LYZL1: variants seen among roughly 807,000 people sequenced by gnomAD.
LYZL1 encodes lysozyme-like protein 1.
In LYZL1, 16 loss-of-function variants were observed where a neutral mutation model predicts 17.9. The ratio of observed to expected loss-of-function variants is 0.90; its 90% CI spans 0.61 to 1.36. The LOEUF (loss-of-function observed/expected upper bound fraction) is 1.36. Ranked by LOEUF, LYZL1 falls within the 40% of genes most tolerant of loss-of-function variation. The pLI is 0.00. For synonymous variants in LYZL1, 58 were observed against 71.8 expected (o/e 0.81, Z 0.97); for missense variants, 149 against 188.4 (o/e 0.79, Z 1.22).
intron 3 of LYZL1, among the ~76,000 whole-genome samples, chr10:29,308,676 A>G (rs1326869269): frequency 3.3e-5 from 5 of 152,266 alleles, no homozygotes; most frequent in Non-Finnish European, 5.9e-5. Context: ...AGAAAATGTA[A>G]TAAGTGGCCA....
At chr10:29,312,462 A>G (rs1835685143), downstream of LYZL1, among the ~76,000 whole-genome samples, 1 of 152,284 alleles carries the variant, frequency 6.6e-6, no homozygotes, top group East Asian at 1.9e-4. Context: ...TCTTCTTCCA[A>G]TATGGCCCAG....
chr10:29,293,105 T>C (rs1319878898), intron 3 of LYZL1, among the ~76,000 whole-genome samples: 1 of 145,906 alleles, frequency 6.9e-6, no homozygotes, highest in African/African-American at 2.6e-5. Context: ...TTTCTTTTCT[T>C]TCTTTTTTTT....
At position 29,292,564 on chromosome 10, in the gene LYZL1, A is replaced by T. The variant is rs3818551; in HGVS notation, c.185A>T (p.Gln62Leu). The T allele has an allele frequency of 6.2e-7, 1 of 1,614,110 alleles. No individual in the cohort carries two copies. Among genetic ancestry groups the T allele is most frequent in the Non-Finnish European group, 8.5e-7 (1 of 1,180,014 alleles). Reference sequence around the variant, plus strand: ...GAGAGCGGCTACAACACCACAGCCCAGACGGTCCTGGATGACGGCAGCATC... The same window carrying T: ...GAGAGCGGCTACAACACCACAGCCCTGACGGTCCTGGATGACGGCAGCATC... ...YYESGYNTTA[Q>L]TVLDDGSIDY... is the part of the protein sequence containing the mutation. Residue 62 changes from glutamine to leucine, a missense_variant, in exon 3 of 5, where the codon CAG (glutamine) becomes CTG (leucine). By Grantham distance (113) the Gln-to-Leu change is moderately radical. Coordinates refer to ENST00000649382, the MANE Select transcript of LYZL1 (RefSeq NM_032517.6).
intron 3 of LYZL1, among the ~76,000 whole-genome samples, chr10:29,304,373 T>C (rs1835562100): frequency 6.6e-6 from 1 of 152,188 alleles, no homozygotes; most frequent in African/African-American, 2.4e-5. Context: ...TTATTTTTCA[T>C]CACCCTGGTA....
downstream of LYZL1, among the ~76,000 whole-genome samples, chr10:29,313,407 G>A (rs11007522): frequency 0.095 from 14,487 of 152,128 alleles, 876 homozygotes; most frequent in African/African-American, 0.17. Flanking sequence ...TAAAACCAAC[G>A]GCACCTATTT....
chr10:29,315,234 G>A (rs1835715493), downstream of LYZL1, among the ~76,000 whole-genome samples: 1 of 152,178 alleles, frequency 6.6e-6, no homozygotes, highest in Admixed American at 6.5e-5. Context: ...TTTAGGCCGG[G>A]CGCAGTGGCT....
intron 3 of LYZL1, among the ~76,000 whole-genome samples, chr10:29,295,972 T>A (rs940418797): frequency 2.0e-5 from 3 of 152,042 alleles, no homozygotes; most frequent in Admixed American, 1.3e-4. Context: ...TCCTGCAGAG[T>A]GTCCAGAAAG....
At chr10:29,314,656 C>T (rs1477253629), downstream of LYZL1, among the ~76,000 whole-genome samples, 2 of 152,138 alleles carry the variant, frequency 1.3e-5, no homozygotes, top group African/African-American at 4.8e-5. Context: ...TTTTTTGTAC[C>T]ACTGGACACA....
chr10:29,316,706 C>CT (rs1835736494), intron 3 of LYZL1, among the ~76,000 whole-genome samples: 3 of 128,448 alleles, frequency 2.3e-5, no homozygotes, highest in Non-Finnish European at 1.6e-5. Flanking sequence ...TTTTCCTTTT[C>CT]CTTTTTTTTT....
chr10:29,294,607 G>A (rs1835421606), intron 3 of LYZL1, among the ~76,000 whole-genome samples: 2 of 152,198 alleles, frequency 1.3e-5, no homozygotes, highest in Admixed American at 6.5e-5. Context: ...CATTGCAGGA[G>A]CTCAATAAAT....
At chr10:29,316,113 G>A (rs1835726984), downstream of LYZL1, among the ~76,000 whole-genome samples, 1 of 152,204 alleles carries the variant, frequency 6.6e-6, no homozygotes, top group Non-Finnish European at 1.5e-5. Context: ...GCCAGGGAGA[G>A]CTTAGGATCT....
chr10:29,312,032 G>A (rs1835678912), downstream of LYZL1, among the ~76,000 whole-genome samples: 1 of 152,166 alleles, frequency 6.6e-6, no homozygotes, highest in Admixed American at 6.5e-5. Context: ...AGGCACAGTG[G>A]CTCACGCTTG....
intron 4 of LYZL1, among the ~76,000 whole-genome samples, chr10:29,317,616 A>ACTC (rs1835747448): frequency 6.6e-6 from 1 of 151,838 alleles, no homozygotes; most frequent in Non-Finnish European, 1.5e-5. Context: ...GCTAAGCCCA[A>ACTC]CTCCTCTGTG....
chr10:29,316,707 C>CTTTTT (rs201357117), intron 3 of LYZL1, among the ~76,000 whole-genome samples: 20 of 126,384 alleles, frequency 1.6e-4, no homozygotes, highest in Non-Finnish European at 1.9e-4. Flanking sequence ...TTTCCTTTTC[C>CTTTTT]TTTTTTTTTT....
At chr10:29,302,134 C>A (rs990943307) in intron 3 of LYZL1, among the ~76,000 whole-genome samples, 6 of 152,160 alleles carry the variant, frequency 3.9e-5, no homozygotes, top group African/African-American at 1.4e-4. Context: ...CTTGACTGAT[C>A]TTTCTCCTGG....
downstream of LYZL1, among the ~76,000 whole-genome samples, chr10:29,313,229 G>A (rs1004425949): frequency 6.6e-6 from 1 of 152,200 alleles, no homozygotes; most frequent in Non-Finnish European, 1.5e-5. Flanking sequence ...GAATTGAAAA[G>A]TAATTTTATA....
intron 1 of LYZL1, among the ~76,000 whole-genome samples, chr10:29,291,081 G>A (rs570915519): frequency 2.6e-5 from 4 of 152,230 alleles, no homozygotes; most frequent in East Asian, 1.9e-4. Flanking sequence ...CACGGGCACC[G>A]ACGCCTGCTC....
intron 1 of LYZL1, among the ~76,000 whole-genome samples, chr10:29,291,193 C>T (rs1835360158): frequency 6.6e-6 from 1 of 152,190 alleles, no homozygotes; most frequent in Non-Finnish European, 1.5e-5. Context: ...AGCCAATAAA[C>T]ACATATTTTT....
chr10:29,290,690 T>C (rs1835350694), intron 1 of LYZL1, among the ~76,000 whole-genome samples: 1 of 151,922 alleles, frequency 6.6e-6, no homozygotes, highest in African/African-American at 2.4e-5. Flanking sequence ...AACACAAAAA[T>C]TAGCCAGGTG....
Sources: allele counts gnomAD v4.1 joint callset (sites outside exome capture counted in the v4.1 genomes callset), GRCh38; gene constraint gnomAD v4.1.1; transcripts MANE v1.5; gene names NCBI Gene and HGNC (gene_info 2026-07-23, HGNC 2026-07-21).